Variants in LDHB observed in about 807,000 individuals in gnomAD.
LDHB encodes L-lactate dehydrogenase B chain.
Under a neutral mutation model 33.4 loss-of-function variants are expected in LDHB, and 18 were observed. That is an observed-to-expected ratio of 0.54 (90% CI 0.37 to 0.80). The LOEUF (loss-of-function observed/expected upper bound fraction) is 0.80, where lower values mean the gene tolerates loss of function less well. LDHB is among the 30% of genes least tolerant of loss of function. LDHB has a pLI of 0.00. For synonymous variants in LDHB, 121 were observed against 140.6 expected (o/e 0.86, Z 0.98); for missense variants, 345 against 407.9 (o/e 0.85, Z 1.33).
At chr12:21,638,579 A>C in intron 5 of LDHB, 109 bp from the exon 6 acceptor site, 1 of 756,624 alleles carries the variant, frequency 1.3e-6, no homozygotes, top group Non-Finnish European at 2.3e-6. Context: ...CTGAATACCA[A>C]CTGGAACTGC....
chr12:21,644,432 A>AAAAAAC (rs1162763915), intron 3 of LDHB, among the ~76,000 whole-genome samples: 1 of 140,576 alleles, frequency 7.1e-6, no homozygotes, highest in Non-Finnish European at 1.5e-5. Context: ...ATCAAAAAAA[A>AAAAAAC]AAAAAAAAAA....
intron 2 of LDHB, among the ~76,000 whole-genome samples, chr12:21,648,689 C>T (rs1178578845): frequency 6.6e-6 from 1 of 152,168 alleles, no homozygotes; most frequent in Admixed American, 6.5e-5. Flanking sequence ...TTGACCTACT[C>T]AGCTTGTTAG....
intron 1 of LDHB, among the ~76,000 whole-genome samples, chr12:21,656,482 G>A (rs1407217769): frequency 6.6e-6 from 1 of 152,150 alleles, no homozygotes; most frequent in East Asian, 1.9e-4. Flanking sequence ...CTGCACTTAA[G>A]TTTATTGTTG....
rs185492039 is a variant in LDHB at position 21,654,190 on chromosome 12, G to A, written c.129+353C>T. On this transcript the variant is annotated intron_variant, in intron 2 of 7. Transcript: ENST00000350669. The stretch of plus-strand genomic sequence containing the variant: ...ACAGTTCCAGCTTAAAGAATGAAGA[G>A]ACGTAAGTATATGAGACACATGATC... 2.3e-3 allele frequency among the ~76,000 whole-genome samples: 357 copies of A among 152,316 alleles called. 3 individuals are homozygous for A. Among genetic ancestry groups the A allele is most frequent in the Middle Eastern group, 6.8e-3 (2 of 294 alleles).
Position 21,644,044 on chromosome 12 carries a change from C to A in LDHB, c.312G>T (p.Gly104=). 1 of 1,612,884 alleles carries A rather than the reference C, an allele frequency of 6.2e-7. No individual in the cohort carries two copies. The highest frequency in any genetic ancestry group is 8.5e-7 in the Non-Finnish European group (1 of 1,178,956). The change falls in exon 4 of 8, where the codon GGG becomes GGT. Residue 104 remains glycine, a synonymous_variant. Coordinates refer to ENST00000350669, the MANE Select transcript of LDHB (RefSeq NM_002300.8). ...TCTGCACCAGATTGAGCCGACTCTC[C>A]CCTTCTTGCTGACGGACTCCTGCAG... is the stretch of plus-strand genomic sequence containing the variant. ...VVTAGVRQQE[G]ESRLNLVQRN...
chr12:21,645,253 C>G (rs904701769), intron 3 of LDHB, among the ~76,000 whole-genome samples: 2 of 144,346 alleles, frequency 1.4e-5, no homozygotes, highest in Non-Finnish European at 3.1e-5. Flanking sequence ...CCGCAGGGAC[C>G]TCTGCCTAGG....
At position 21,644,043 on chromosome 12, in the gene LDHB, C is replaced by G. The variant is rs1016401841; in HGVS notation, c.313G>C (p.Glu105Gln). 3.2e-5 allele frequency: 51 copies of G among 1,612,760 alleles called. No individual in the cohort carries two copies. Among genetic ancestry groups the G allele is most frequent in the Non-Finnish European group, 4.3e-5 (51 of 1,178,928 alleles). ...CTCTGCACCAGATTGAGCCGACTCT[C>G]CCCTTCTTGCTGACGGACTCCTGCA... ...VTAGVRQQEG[E>Q]SRLNLVQRNV... The change falls in exon 4 of 8, where the codon GAG becomes CAG. Residue 105 changes from glutamate (E) to glutamine (Q), a missense_variant. Glu to Gln is a conservative substitution (Grantham distance 29). Coordinates refer to ENST00000350669, the MANE Select transcript of LDHB (RefSeq NM_002300.8).
chr12:21,644,025 C>T lies in LDHB; in HGVS notation c.331G>A (p.Val111Met), dbSNP rs1312554668. Residue 111 changes from valine (V) to methionine (M), a missense_variant, in exon 4 of 8, where the codon GTG becomes ATG. Transcript: ENST00000350669. ...QQEGESRLNLVQRNVNVFKFI... is the reference protein window; with the variant it reads ...QQEGESRLNLMQRNVNVFKFI... ...TTGAAGACATTAACATTTCTCTGCA[C>T]CAGATTGAGCCGACTCTCCCCTTCT... is the stretch of plus-strand genomic sequence containing the variant. 6.2e-7 allele frequency: 1 copy of T among 1,612,084 alleles called. No individual in the cohort carries two copies. Among genetic ancestry groups the T allele is most frequent in the Non-Finnish European group, 8.5e-7 (1 of 1,178,246 alleles).
At chr12:21,656,330 GAAGATGC>G (rs1938844315) in intron 1 of LDHB, among the ~76,000 whole-genome samples, 1 of 152,214 alleles carries the variant, frequency 6.6e-6, no homozygotes, top group Non-Finnish European at 1.5e-5. Context: ...GTTAAAGAGA[GAAGATGC>G]AATGTTGTGC....
intron 5 of LDHB, among the ~76,000 whole-genome samples, chr12:21,640,497 AG>A: frequency 5.3e-5 from 8 of 151,700 alleles, no homozygotes; most frequent in Non-Finnish European, 8.8e-5. Context: ...TATAATTAAT[AG>A]TTTATTAAAA....
rs1938392235 is a variant in LDHB at position 21,642,104 on chromosome 12, G to A, written c.443C>T (p.Thr148Ile). The A allele has an allele frequency of 1.2e-6, 2 of 1,612,736 alleles. No homozygotes were observed. Among genetic ancestry groups the A allele is most frequent in the South Asian group, 1.1e-5 (1 of 91,052 alleles). ...SNPVDILTYV[T>I]WKLSGLPKHR... ...TTTGGGTAATCCACTTAGTTTCCAG[G>A]TAACATACGTAAGAATGTCCACTAA... Residue 148 changes from threonine (T) to isoleucine (I), a missense_variant, in exon 5 of 8, where the codon ACC becomes ATC. By Grantham distance (89) the Thr-to-Ile change is moderately conservative. Coordinates refer to ENST00000350669, the MANE Select transcript of LDHB (RefSeq NM_002300.8).
In LDHB at chr12:21,637,082, T is replaced by C. The variant is rs200158121; in HGVS notation, c.826A>G (p.Thr276Ala). Residue 276 changes from threonine to alanine, a missense_variant, in exon 7 of 8, where the codon ACA becomes GCA. Thr to Ala is a moderately conservative substitution (Grantham distance 58). Coordinates refer to ENST00000350669, the MANE Select transcript of LDHB (RefSeq NM_002300.8). ...GTAGTTTGTCTTACCTTTACCATTGTTGACACGGGATGAATCCTGGATAGA... is the reference window on the plus strand; with the variant it reads ...GTAGTTTGTCTTACCTTTACCATTGCTGACACGGGATGAATCCTGGATAGA... ...KNLSRIHPVS[T>A]MVKGMYGIEN... The C allele has an allele frequency of 6.3e-5, 101 of 1,606,118 alleles. 1 individual carries two copies. Among genetic ancestry groups the C allele is most frequent in the Non-Finnish European group, 8.5e-5 (100 of 1,174,256 alleles).
chr12:21,650,444 T>C (rs1938655809), intron 2 of LDHB, among the ~76,000 whole-genome samples: 1 of 152,210 alleles, frequency 6.6e-6, no homozygotes, highest in Non-Finnish European at 1.5e-5. Flanking sequence ...TTGCTCCTCC[T>C]AAGAGCTTTG....
chr12:21,645,375 G>A (rs1358671293), intron 3 of LDHB, among the ~76,000 whole-genome samples: 1 of 152,106 alleles, frequency 6.6e-6, no homozygotes, highest in African/African-American at 2.4e-5. Flanking sequence ...CCCCCAGCCC[G>A]ACACTGGTAA....
intron 5 of LDHB, among the ~76,000 whole-genome samples, chr12:21,641,303 G>A (rs1204136608): frequency 6.6e-6 from 1 of 152,124 alleles, no homozygotes; most frequent in Non-Finnish European, 1.5e-5. Flanking sequence ...GTGATGCCAT[G>A]AGAAAACTAT....
Position 21,642,019 on chromosome 12 carries a change from A to T in LDHB, c.528T>A (p.Ala176=), listed in dbSNP as rs886049164. The T allele has an allele frequency of 1.9e-6, 3 of 1,613,660 alleles. No individual in the cohort carries two copies. The highest frequency in any genetic ancestry group is 2.5e-6 in the Non-Finnish European group (3 of 1,179,746). The change falls in exon 5 of 8, where the codon GCT becomes GCA. Residue 176 remains alanine (A), a synonymous_variant. Coordinates refer to ENST00000350669, the MANE Select transcript of LDHB (RefSeq NM_002300.8). ...TGCTGGGATGAATGCCAAGTTTTTC[A>T]GCCATAAGGTAGCGAAATCTAGCAG... is the stretch of plus-strand genomic sequence containing the variant. ...LDSARFRYLM[A]EKLGIHPSSC... is the part of the protein sequence containing the mutation.
At chr12:21,648,499 A>G (rs570445453) in intron 2 of LDHB, among the ~76,000 whole-genome samples, 1 of 151,038 alleles carries the variant, frequency 6.6e-6, no homozygotes, top group South Asian at 2.1e-4. Context: ...TTCTAAGAAT[A>G]GTAGTGTGAT....
intron 1 of LDHB, chr12:21,657,137 A>C (rs1247805432): frequency 6.6e-6 from 1 of 152,156 alleles, no homozygotes; most frequent in Admixed American, 6.6e-5. Flanking sequence ...TACTCGGAGC[A>C]CCCAAGGCTG....
At chr12:21,643,315 C>G (rs1938424470) in intron 4 of LDHB, among the ~76,000 whole-genome samples, 1 of 152,164 alleles carries the variant, frequency 6.6e-6, no homozygotes, top group Non-Finnish European at 1.5e-5. Context: ...TAGATAAAAG[C>G]AGTATATCAA....
Sources: gnomAD v4.1 joint callset for allele counts (sites outside exome capture counted in the v4.1 genomes callset) on GRCh38, gnomAD v4.1.1 for gene constraint, MANE v1.5 for transcripts, NCBI Gene and HGNC (gene_info 2026-07-23, HGNC 2026-07-21) for gene names.